Variants in CPNE3 observed in about 807,000 individuals in gnomAD.
CPNE3 encodes copine-3.
CPNE3 carries 68 observed loss-of-function variants against 63.9 expected under a neutral mutation model. The ratio of observed to expected loss-of-function variants is 1.06; its 90% CI spans 0.87 to 1.30. CPNE3 has a LOEUF of 1.30. CPNE3 is among the 50% of genes most tolerant of loss of function. The probability of loss-of-function intolerance (pLI) is 0.00; values close to 1 mark genes in which losing one functional copy is unlikely to be tolerated. For missense variants in CPNE3, 665 were observed against 578.1 expected (o/e 1.15, Z -1.54); for synonymous variants, 219 against 197.5 (o/e 1.11, Z -0.91).
intron 11 of CPNE3, 122 bp from the exon 12 acceptor site, chr8:86,548,179 C>T: frequency 1.1e-6 from 1 of 914,934 alleles, no homozygotes; most frequent in Non-Finnish European, 1.6e-6. Flanking sequence ...TAGTGGTAGG[C>T]ATTTGTTAGG....
chr8:86,539,254 C>A (rs1292523955), intron 7 of CPNE3, among the ~76,000 whole-genome samples: 1 of 152,146 alleles, frequency 6.6e-6, no homozygotes, highest in Non-Finnish European at 1.5e-5. Flanking sequence ...TGACTTCATT[C>A]ATCTTTGAGC....
intron 15 of CPNE3, among the ~76,000 whole-genome samples, 190 bp downstream of exon 15, chr8:86,555,174 C>T (rs973917585): frequency 4.0e-5 from 6 of 151,428 alleles, no homozygotes; most frequent in Admixed American, 3.9e-4. Context: ...AACAGCAAAA[C>T]AACACTTGGC....
intron 8 of CPNE3, among the ~76,000 whole-genome samples, chr8:86,542,920 C>T (rs1820973774): frequency 6.6e-6 from 1 of 152,056 alleles, no homozygotes; most frequent in African/African-American, 2.4e-5. Context: ...TTTAGCCCTT[C>T]ATAATCTTTA....
intron 8 of CPNE3, among the ~76,000 whole-genome samples, 174 bp downstream of exon 8, chr8:86,540,508 G>A (rs1820914277): frequency 6.6e-6 from 1 of 152,190 alleles, no homozygotes; most frequent in Non-Finnish European, 1.5e-5. Context: ...AAGTGACACA[G>A]TTTGAGGAGT....
At chr8:86,518,304 C>T (rs978474138) in intron 2 of CPNE3, among the ~76,000 whole-genome samples, 1 of 152,118 alleles carries the variant, frequency 6.6e-6, no homozygotes, top group African/African-American at 2.4e-5. Flanking sequence ...TGGGAAATTC[C>T]AGAAGGGGGG....
chr8:86,551,127 T>G (rs908716200), intron 13 of CPNE3, 27 bp downstream of exon 13: 1 of 1,613,092 alleles, frequency 6.2e-7, no homozygotes, highest in Admixed American at 1.7e-5. Context: ...ATTTTAAAGC[T>G]TTGCCTCCTA....
Position 86,525,778 on chromosome 8 carries a change from T to C in CPNE3, c.-10-2758T>C, listed in dbSNP as rs147420182. 4.2e-3 allele frequency among the ~76,000 whole-genome samples: 634 copies of C among 152,310 alleles called. 4 individuals carry two copies. Among genetic ancestry groups the C allele is most frequent in the African/African-American group, 0.015 (604 of 41,562 alleles). On this transcript the variant is annotated intron_variant, in intron 2 of 16. Transcript: ENST00000517490. ...GCTGGCTGGTAGAGAATCCTCTACA[T>C]GTTTTTTTGGGGGAAGCTTTAGCTA...
Position 86,526,227 on chromosome 8 carries a change from C to CA in CPNE3, c.-10-2296dup, listed in dbSNP as rs879779751. On this transcript the variant is annotated intron_variant, in intron 2 of 16. Coordinates refer to ENST00000517490, the MANE Select transcript of CPNE3 (RefSeq NM_003909.5). ...TGGACGACAGAGCAAGACTCCGTCTCAAAAAAAAAAAAATTGGGTGTGTGC... is the reference window on the plus strand; with the variant it reads ...TGGACGACAGAGCAAGACTCCGTCTCAAAAAAAAAAAAAATTGGGTGTGTGC... Among the ~76,000 whole-genome samples the CA allele has an allele frequency of 2.2e-3, 300 of 133,334 alleles. No homozygotes were observed. The East Asian group carries it at 0.031, about 14-fold the overall frequency. 87.5% of individuals were successfully genotyped at this position (133,334 alleles called of 152,430 possible).
Position 86,528,540 on chromosome 8 carries a change from C to T in CPNE3, c.-6C>T, listed in dbSNP as rs771336689. 12 of 1,612,528 alleles carry T rather than the reference C, an allele frequency of 7.4e-6. No homozygotes were observed. Among genetic ancestry groups the T allele is most frequent in the Non-Finnish European group, 1.0e-5 (12 of 1,179,684 alleles). On this transcript the variant is annotated 5_prime_UTR_variant, in exon 3 of 17. Coordinates refer to ENST00000517490, the MANE Select transcript of CPNE3 (RefSeq NM_003909.5). ...TCTTTTTATTGGTTTTCTCAGAACT[C>T]AAGACATGGCTGCCCAGTGTGTCAC... is the stretch of plus-strand genomic sequence containing the variant.
chr8:86,533,560 A>C (rs935040189), intron 6 of CPNE3, among the ~76,000 whole-genome samples: 3 of 151,020 alleles, frequency 2.0e-5, no homozygotes, highest in Admixed American at 2.0e-4. Context: ...AAAACACTTA[A>C]AGAAAACATT....
chr8:86,542,345 T>C (rs1820959567), intron 8 of CPNE3, among the ~76,000 whole-genome samples: 1 of 152,188 alleles, frequency 6.6e-6, no homozygotes. Flanking sequence ...GTTATCATTC[T>C]AGCATGTATT....
chr8:86,541,425 C>T (rs78416278), intron 8 of CPNE3, among the ~76,000 whole-genome samples: 8,270 of 151,874 alleles, frequency 0.054, 315 homozygotes, highest in Non-Finnish European at 0.087. Flanking sequence ...TCATTTTTGC[C>T]GGGCATGGTG....
At position 86,560,332 on chromosome 8, in the gene CPNE3, C is replaced by T. The variant is rs2131515014; in HGVS notation, c.*1922C>T. On this transcript the variant is annotated 3_prime_UTR_variant, in exon 17 of 17. Coordinates refer to ENST00000517490, the MANE Select transcript of CPNE3 (RefSeq NM_003909.5). ...GAAGCCTTTTAAAAAATGACTTACA[C>T]ATATTCTCAATGTACAGTAAAACAG... 6.6e-6 allele frequency: 1 copy of T among 152,230 alleles called. No individual in the cohort carries two copies. The highest frequency in any genetic ancestry group is 2.1e-4 in the South Asian group (1 of 4,830). The allele number at this position is 152,230 out of a possible 1,614,324, so 9.4% of individuals were successfully genotyped here.
At chr8:86,553,755 T>TG (rs1821246311) in intron 14 of CPNE3, among the ~76,000 whole-genome samples, 2 of 151,918 alleles carry the variant, frequency 1.3e-5, no homozygotes, top group African/African-American at 2.4e-5. Context: ...TTAAGTTTTT[T>TG]TTTTTTTTTT....
chr8:86,552,024 C>T (rs1821192519), intron 14 of CPNE3, among the ~76,000 whole-genome samples: 1 of 152,134 alleles, frequency 6.6e-6, no homozygotes, highest in Non-Finnish European at 1.5e-5. Flanking sequence ...TTTTTTACCA[C>T]ATTGAGCAAT....
At chr8:86,554,808 T>G in intron 14 of CPNE3, 43 bp from the exon 15 acceptor site, 1 of 1,604,470 alleles carries the variant, frequency 6.2e-7, no homozygotes, top group South Asian at 1.1e-5. Context: ...ACATTGTGCT[T>G]GAGAATTTTT....
intron 7 of CPNE3, among the ~76,000 whole-genome samples, chr8:86,539,409 A>G (rs892946804): frequency 6.6e-6 from 1 of 152,184 alleles, no homozygotes; most frequent in Non-Finnish European, 1.5e-5. Context: ...GAATGTGCTC[A>G]TTGCTACTGG....
intron 2 of CPNE3, among the ~76,000 whole-genome samples, chr8:86,518,130 G>A (rs925797640): frequency 6.6e-6 from 1 of 152,144 alleles, no homozygotes; most frequent in Non-Finnish European, 1.5e-5. Flanking sequence ...AACTAGAAAG[G>A]AGCACACGGT....
intron 7 of CPNE3, 58 bp from the exon 8 acceptor site, chr8:86,540,187 C>A: frequency 9.6e-7 from 1 of 1,039,066 alleles, no homozygotes; most frequent in Non-Finnish European, 1.5e-6. Context: ...AGGGCAGGAG[C>A]AAAATGTTAA....
Sources: gnomAD v4.1 joint callset for allele counts (sites outside exome capture counted in the v4.1 genomes callset) on GRCh38, gnomAD v4.1.1 for gene constraint, MANE v1.5 for transcripts, NCBI Gene and HGNC (gene_info 2026-07-23, HGNC 2026-07-21) for gene names.